ZNF487: variants seen among roughly 807,000 people sequenced by gnomAD.
ZNF487 encodes zinc finger protein 487, also known as KRAB domain only 1.
Under a neutral mutation model 3.0 loss-of-function variants are expected in ZNF487, and 4 were observed. That is an observed-to-expected ratio of 1.35 (90% CI 0.66 to 3.08). The LOEUF (loss-of-function observed/expected upper bound fraction) is 3.08. Among genes scored for constraint, ZNF487 ranks in the 30% most tolerant of loss-of-function variants. The pLI is 0.01. For missense variants in ZNF487, 146 were observed against 98.7 expected (o/e 1.48, Z -2.03); for synonymous variants, 55 against 34.6 (o/e 1.59, Z -2.06).
downstream of ZNF487, among the ~76,000 whole-genome samples, chr10:43,486,260 C>A (rs565301777): frequency 6.6e-6 from 1 of 152,112 alleles, no homozygotes; most frequent in Non-Finnish European, 1.5e-5. Flanking sequence ...CAGGGTGGCT[C>A]ACACCTGTAA....
At chr10:43,474,233 G>A (rs1161567655) in intron 1 of ZNF487, among the ~76,000 whole-genome samples, 3 of 151,686 alleles carry the variant, frequency 2.0e-5, no homozygotes, top group Non-Finnish European at 2.9e-5. Flanking sequence ...AGGCTGAGGT[G>A]GGCCGAGGTC....
chr10:43,506,712 G>GT, the ZNF487 span, among the ~76,000 whole-genome samples: 1 of 152,114 alleles, frequency 6.6e-6, no homozygotes, highest in Non-Finnish European at 1.5e-5. Flanking sequence ...AAATATCTCT[G>GT]TGGTCTTGCC....
intron 1 of ZNF487, among the ~76,000 whole-genome samples, chr10:43,445,933 C>G (rs1052743706): frequency 1.3e-5 from 2 of 152,084 alleles, no homozygotes; most frequent in Non-Finnish European, 1.5e-5. Flanking sequence ...CATCTTGCAC[C>G]GCCCTTAATC....
intron 1 of ZNF487, among the ~76,000 whole-genome samples, chr10:43,443,670 G>A (rs11238547): frequency 0.18 from 26,885 of 151,192 alleles, 2,580 homozygotes; most frequent in Non-Finnish European, 0.2. Context: ...CACCATGCCC[G>A]GCCCGTTTTT....
intron 1 of ZNF487, chr10:43,454,551 T>C (rs1473260257): frequency 1.3e-5 from 2 of 152,232 alleles, no homozygotes; most frequent in African/African-American, 4.8e-5. Context: ...GTTGAAAGAA[T>C]AGTTTTTAAA....
upstream of ZNF487, chr10:43,437,087 C>G: frequency 3.3e-6 from 1 of 306,792 alleles, no homozygotes; most frequent in Non-Finnish European, 6.4e-6. Flanking sequence ...TTCGCGCAGG[C>G]CCCGCCCCTC....
At chr10:43,516,692 C>A in the ZNF487 span, among the ~76,000 whole-genome samples, 1 of 152,092 alleles carries the variant, frequency 6.6e-6, no homozygotes. Flanking sequence ...CATTTTTCTG[C>A]CTGCTTATAT....
At chr10:43,503,348 A>C in the ZNF487 span, among the ~76,000 whole-genome samples, 1 of 152,242 alleles carries the variant, frequency 6.6e-6, no homozygotes, top group African/African-American at 2.4e-5. Context: ...TTGTACAGCT[A>C]TACAATGATT....
At chr10:43,497,640 T>G in the ZNF487 span, among the ~76,000 whole-genome samples, 1 of 152,076 alleles carries the variant, frequency 6.6e-6, no homozygotes. Flanking sequence ...TTAGATTGGT[T>G]TTGGAGTACA....
chr10:43,514,210 G>C, the ZNF487 span, among the ~76,000 whole-genome samples: 2 of 151,976 alleles, frequency 1.3e-5, no homozygotes, highest in African/African-American at 4.8e-5. Flanking sequence ...GTGTGATCTC[G>C]ACTCACTGCA....
chr10:43,455,692 G>T (rs1253207201), intron 1 of ZNF487, among the ~76,000 whole-genome samples: 1 of 152,240 alleles, frequency 6.6e-6, no homozygotes, highest in Non-Finnish European at 1.5e-5. Flanking sequence ...GAGAGTGGCA[G>T]GGCTGGGCGC....
downstream of ZNF487, among the ~76,000 whole-genome samples, chr10:43,487,933 A>AT (rs1226226384): frequency 2.2e-5 from 3 of 137,104 alleles, no homozygotes; most frequent in Non-Finnish European, 5.0e-5. Flanking sequence ...AAAATACAAA[A>AT]AAAAAAAAAA....
chr10:43,487,614 T>C (rs1479212757), downstream of ZNF487, among the ~76,000 whole-genome samples: 2 of 151,816 alleles, frequency 1.3e-5, no homozygotes, highest in African/African-American at 4.8e-5. Context: ...CACGCCTGGC[T>C]AATTTTTTGT....
chr10:43,440,655 C>A (rs1351899896), intron 1 of ZNF487, among the ~76,000 whole-genome samples: 12 of 150,274 alleles, frequency 8.0e-5, no homozygotes, highest in African/African-American at 2.9e-4. Flanking sequence ...GAGACTCTGT[C>A]TCAAAAAAAA....
chr10:43,488,033 C>A (rs568761159), downstream of ZNF487, among the ~76,000 whole-genome samples: 2 of 149,720 alleles, frequency 1.3e-5, no homozygotes, highest in Non-Finnish European at 2.9e-5. Context: ...AACAGGGAGG[C>A]GGAGTTTGGA....
intron 1 of ZNF487, among the ~76,000 whole-genome samples, chr10:43,466,150 T>C (rs1005669335): frequency 1.9e-4 from 11 of 56,496 alleles, no homozygotes; most frequent in African/African-American, 7.5e-4. Context: ...ACAGTCCAGC[T>C]TCGGCTCGGC....
chr10:43,502,439 G>A, the ZNF487 span, among the ~76,000 whole-genome samples: 5 of 152,092 alleles, frequency 3.3e-5, no homozygotes, highest in African/African-American at 1.2e-4. Flanking sequence ...GAGTTAATGG[G>A]TGCAGCACAC....
chr10:43,457,496 A>C (rs545433297), intron 1 of ZNF487, among the ~76,000 whole-genome samples: 2 of 148,446 alleles, frequency 1.3e-5, no homozygotes, highest in East Asian at 2.1e-4. Flanking sequence ...TGGAGGTTGC[A>C]GTGAGCCGAG....
the ZNF487 span, among the ~76,000 whole-genome samples, chr10:43,512,853 C>G: frequency 9.2e-6 from 1 of 108,618 alleles, no homozygotes; most frequent in East Asian, 3.7e-4. Flanking sequence ...TCCAAATAGG[C>G]CTACTAGGCA....
Sources: gnomAD v4.1 joint callset for allele counts (sites outside exome capture counted in the v4.1 genomes callset) on GRCh38, gnomAD v4.1.1 for gene constraint, MANE v1.5 for transcripts, NCBI Gene and HGNC (gene_info 2026-07-23, HGNC 2026-07-21) for gene names.